The following TDRD5 variants were observed in gnomAD, a reference collection of about 807,000 sequenced individuals.
The protein encoded by TDRD5 is tudor domain-containing protein 5.
In TDRD5, 41 loss-of-function variants were observed where a neutral mutation model predicts 120.6. The observed-to-expected ratio is 0.34, with a 90% confidence interval of 0.26 to 0.44. The LOEUF is 0.44. Among genes scored for constraint, TDRD5 ranks in the 20% least tolerant of loss-of-function variants. The pLI is 1.00. For missense variants in TDRD5, 1,006 were observed against 1,221.2 expected (o/e 0.82, Z 2.63); for synonymous variants, 430 against 433.7 (o/e 0.99, Z 0.11).
intron 3 of TDRD5, 142 bp downstream of exon 3, chr1:179,594,009 A>G: frequency 9.2e-7 from 1 of 1,092,152 alleles, no homozygotes; most frequent in Non-Finnish European, 1.3e-6. Flanking sequence ...CAATCTACTT[A>G]AGCCTTAGTT....
intron 17 of TDRD5, among the ~76,000 whole-genome samples, chr1:179,688,429 GC>G (rs1363383191): frequency 6.6e-6 from 1 of 152,296 alleles, no homozygotes; most frequent in East Asian, 1.9e-4. Flanking sequence ...TAGTCTGATG[GC>G]CTTCCCTTTG....
intron 4 of TDRD5, among the ~76,000 whole-genome samples, chr1:179,597,222 T>A (rs753718342): frequency 3.0e-4 from 45 of 152,202 alleles, no homozygotes; most frequent in Non-Finnish European, 5.7e-4. Context: ...GTAAATATTT[T>A]CTCCTGGCCG....
intron 11 of TDRD5, among the ~76,000 whole-genome samples, chr1:179,640,778 C>T (rs973069716): frequency 6.6e-6 from 1 of 152,080 alleles, no homozygotes; most frequent in African/African-American, 2.4e-5. Flanking sequence ...GGGAGGGTAG[C>T]ATGAAACATC....
chr1:179,645,625 AT>A (rs1405890600), intron 11 of TDRD5, among the ~76,000 whole-genome samples: 3 of 152,116 alleles, frequency 2.0e-5, no homozygotes, highest in Admixed American at 6.6e-5. Context: ...TGAAACTCTT[AT>A]TCGTTCTGAT....
At chr1:179,649,843 T>C (rs1380292237) in intron 11 of TDRD5, among the ~76,000 whole-genome samples, 1 of 152,216 alleles carries the variant, frequency 6.6e-6, no homozygotes, top group East Asian at 1.9e-4. Flanking sequence ...TGAGGTTGTC[T>C]ACCTCCAGAG....
intron 11 of TDRD5, among the ~76,000 whole-genome samples, chr1:179,646,887 T>A (rs1448564620): frequency 6.6e-6 from 1 of 151,000 alleles, no homozygotes; most frequent in Non-Finnish European, 1.5e-5. Flanking sequence ...GGAATCCAAC[T>A]TACAAGGGAT....
At chr1:179,616,150 C>G (rs1676554138) in intron 4 of TDRD5, among the ~76,000 whole-genome samples, 1 of 152,106 alleles carries the variant, frequency 6.6e-6, no homozygotes, top group East Asian at 1.9e-4. Flanking sequence ...TGTCATAAGC[C>G]ATGATCCAGA....
chr1:179,632,913 C>G (rs897704217), intron 7 of TDRD5, among the ~76,000 whole-genome samples: 6 of 152,114 alleles, frequency 3.9e-5, no homozygotes, highest in African/African-American at 1.4e-4. Context: ...TTACATTAGC[C>G]TACAGTTGGG....
In TDRD5 at chr1:179,639,882, C is replaced by A. The variant is rs993030254; in HGVS notation, c.1564C>A (p.Pro522Thr). 2 of 1,613,938 alleles carry A rather than the reference C, an allele frequency of 1.2e-6. No individual in the cohort carries two copies. The highest frequency in any genetic ancestry group is 8.5e-7 in the Non-Finnish European group (1 of 1,180,000). The change falls in exon 10 of 18, where the codon CCA becomes ACA. Residue 522 changes from proline (P) to threonine (T), a missense_variant. Around this residue, in one of 3 missense-constraint regions of TDRD5, gnomAD observed 158 missense variants for 257.5 expected, o/e 0.61. Coordinates refer to ENST00000444136, the MANE Select transcript of TDRD5 (RefSeq NM_001199085.3). ...GCTGGTTTCTGATCGATATGTCATG[C>A]CAGAATGTTTTATTCAGCCGGGACA... is the stretch of plus-strand genomic sequence containing the variant. ...NQLVSDRYVM[P>T]ECFIQPGHLC... is the part of the protein sequence containing the mutation.
intron 4 of TDRD5, among the ~76,000 whole-genome samples, chr1:179,599,534 T>C (rs199856874): frequency 1.3e-5 from 2 of 151,884 alleles, no homozygotes; most frequent in Non-Finnish European, 2.9e-5. Flanking sequence ...TTTTATGCTT[T>C]CTTTTTTTTT....
chr1:179,673,281 TTTTG>T (rs1679949843), intron 17 of TDRD5, among the ~76,000 whole-genome samples: 1 of 152,218 alleles, frequency 6.6e-6, no homozygotes, highest in Non-Finnish European at 1.5e-5. Flanking sequence ...TTCAGCAGTG[TTTTG>T]TTTTTCTCCA....
At chr1:179,688,940 T>A (rs1680928743) in intron 17 of TDRD5, among the ~76,000 whole-genome samples, 1 of 152,220 alleles carries the variant, frequency 6.6e-6, no homozygotes, top group Non-Finnish European at 1.5e-5. Context: ...TAGTTAGCCA[T>A]TCATCTAATC....
chr1:179,603,587 C>T (rs1000090083), intron 4 of TDRD5, among the ~76,000 whole-genome samples: 2 of 152,050 alleles, frequency 1.3e-5, no homozygotes, highest in African/African-American at 4.8e-5. Context: ...AATCATAAAG[C>T]AATGCTGGAT....
At chr1:179,658,562 T>C (rs1679122576) in intron 14 of TDRD5, among the ~76,000 whole-genome samples, 1 of 152,212 alleles carries the variant, frequency 6.6e-6, no homozygotes, top group Non-Finnish European at 1.5e-5. Context: ...TTGTCAACTA[T>C]ATGTATAACA....
At chr1:179,611,441 C>T (rs1676269444) in intron 4 of TDRD5, among the ~76,000 whole-genome samples, 1 of 152,058 alleles carries the variant, frequency 6.6e-6, no homozygotes, top group Non-Finnish European at 1.5e-5. Context: ...TTTGAAACTA[C>T]CTTAGCAAAC....
chr1:179,685,478 A>T (rs997986580), intron 17 of TDRD5, among the ~76,000 whole-genome samples: 8 of 152,168 alleles, frequency 5.3e-5, no homozygotes, highest in East Asian at 1.9e-4. Flanking sequence ...GGTAGCGTGA[A>T]GCCTCCAGCT....
chr1:179,674,508 T>A (rs975998855), intron 17 of TDRD5, among the ~76,000 whole-genome samples: 1 of 152,230 alleles, frequency 6.6e-6, no homozygotes, highest in African/African-American at 2.4e-5. Flanking sequence ...TTTTTTTTTG[T>A]TGTTGTTATG....
chr1:179,642,926 G>A (rs1174987608), intron 11 of TDRD5, among the ~76,000 whole-genome samples: 5 of 152,176 alleles, frequency 3.3e-5, no homozygotes, highest in Admixed American at 3.3e-4. Context: ...TCTTTTCTGA[G>A]AATCTGCAGT....
At chr1:179,603,676 A>T (rs927404949) in intron 4 of TDRD5, among the ~76,000 whole-genome samples, 5 of 152,180 alleles carry the variant, frequency 3.3e-5, no homozygotes, top group Non-Finnish European at 7.3e-5. Context: ...GGTGTATCAC[A>T]TTTATTGACT....
Sources: gnomAD v4.1 joint callset for allele counts (sites outside exome capture counted in the v4.1 genomes callset) on GRCh38, gnomAD v4.1.1 for gene constraint, gnomAD v4.1.1 regional missense constraint, MANE v1.5 for transcripts, NCBI Gene and HGNC (gene_info 2026-07-23, HGNC 2026-07-21) for gene names.